Variants in EXOC6 observed in about 807,000 individuals in gnomAD.
EXOC6 encodes the protein exocyst complex component 6, also known as SEC15-like 1.
EXOC6 carries 60 observed loss-of-function variants against 112.5 expected under a neutral mutation model. That is an observed-to-expected ratio of 0.53 (90% CI 0.43 to 0.66). The LOEUF (loss-of-function observed/expected upper bound fraction) is 0.66, where lower values mean the gene tolerates loss of function less well. Ranked by LOEUF, EXOC6 falls within the 30% of genes least tolerant of loss-of-function variation. The probability of loss-of-function intolerance (pLI) is 0.00; values close to 1 mark genes in which losing one functional copy is unlikely to be tolerated. For synonymous variants in EXOC6, 295 were observed against 308.0 expected, an observed-to-expected ratio of 0.96 and a Z score of 0.44; for missense variants, 855 against 957.1, an observed-to-expected ratio of 0.89 and a Z score of 1.41.
chr10:93,020,596 G>A (rs1055202688), intron 20 of EXOC6, among the ~76,000 whole-genome samples: 1 of 152,054 alleles, frequency 6.6e-6, no homozygotes, highest in Non-Finnish European at 1.5e-5. Context: ...CTGCAATGCT[G>A]TCTTCTAAAA....
At chr10:93,056,594 G>C (rs552760427) in intron 20 of EXOC6, among the ~76,000 whole-genome samples, 2 of 151,920 alleles carry the variant, frequency 1.3e-5, no homozygotes, top group South Asian at 4.2e-4. Flanking sequence ...ATTAAATCTG[G>C]GTACTGACTA....
At chr10:92,987,402 T>G (rs907760595) in intron 18 of EXOC6, among the ~76,000 whole-genome samples, 1 of 152,214 alleles carries the variant, frequency 6.6e-6, no homozygotes, top group African/African-American at 2.4e-5. Context: ...GTCTAATTAG[T>G]ATGGATGTAA....
chr10:92,999,223 GTT>G (rs35698961), intron 19 of EXOC6: 1,433 of 344,282 alleles, frequency 4.2e-3, no homozygotes, highest in Admixed American at 6.2e-3. Flanking sequence ...TTTTTTACAA[GTT>G]TTTTTTTTTT....
intron 1 of EXOC6, among the ~76,000 whole-genome samples, chr10:92,850,360 CTCTTT>C (rs754831094): frequency 1.1e-4 from 17 of 152,156 alleles, no homozygotes; most frequent in Non-Finnish European, 2.2e-4. Context: ...TGAACCCACT[CTCTTT>C]TCTTTAGCAA....
Position 92,851,039 on chromosome 10 carries a change from G to A in EXOC6, c.101+2405G>A, listed in dbSNP as rs540294172. 2.8e-3 allele frequency among the ~76,000 whole-genome samples: 426 copies of A among 152,236 alleles called. 2 individuals are homozygous for A. Among genetic ancestry groups the A allele is most frequent in the Non-Finnish European group, 5.2e-3 (354 of 68,008 alleles). On this transcript the variant is annotated intron_variant, in intron 1 of 21. Coordinates refer to ENST00000260762, the MANE Select transcript of EXOC6 (RefSeq NM_019053.6). The stretch of plus-strand genomic sequence containing the variant: ...AACACACAAAAAATAAATCAAAAGA[G>A]AAATTAGAAAGTATTTTAAACTGAG...
At chr10:92,831,736 A>C (rs987845848), upstream of EXOC6, among the ~76,000 whole-genome samples, 4 of 152,118 alleles carry the variant, frequency 2.6e-5, no homozygotes, top group African/African-American at 9.7e-5. Context: ...CGCCCAGCCT[A>C]TTCTATTTAA....
chr10:92,981,297 A>G (rs897600342), intron 18 of EXOC6, among the ~76,000 whole-genome samples: 1 of 152,232 alleles, frequency 6.6e-6, no homozygotes, highest in African/African-American at 2.4e-5. Flanking sequence ...AATGGAACTC[A>G]GTAACGTTTT....
chr10:92,844,026 C>T (rs536368851), upstream of EXOC6, among the ~76,000 whole-genome samples: 1 of 147,670 alleles, frequency 6.8e-6, no homozygotes, highest in South Asian at 2.2e-4. Context: ...TGGCACGTGC[C>T]TGTAGTCCCA....
chr10:93,016,599 A>T (rs944732684), intron 20 of EXOC6, among the ~76,000 whole-genome samples: 1 of 152,250 alleles, frequency 6.6e-6, no homozygotes, highest in Non-Finnish European at 1.5e-5. Flanking sequence ...CTTATTCGAT[A>T]TAAGAAAATC....
chr10:92,991,329 G>T (rs1589989360), intron 18 of EXOC6, among the ~76,000 whole-genome samples: 1 of 151,590 alleles, frequency 6.6e-6, no homozygotes, highest in South Asian at 2.1e-4. Flanking sequence ...ACAGCTACTC[G>T]GGAGGCTGAG....
chr10:92,902,656 A>G (rs1052186685), intron 5 of EXOC6, among the ~76,000 whole-genome samples: 6 of 152,004 alleles, frequency 3.9e-5, no homozygotes, highest in African/African-American at 1.5e-4. Context: ...TAAGATGTTG[A>G]ATGTTATTGC....
chr10:93,021,561 A>G (rs560777800), intron 20 of EXOC6, among the ~76,000 whole-genome samples: 6 of 152,198 alleles, frequency 3.9e-5, no homozygotes, highest in Non-Finnish European at 8.8e-5. Context: ...TTGACAGTAG[A>G]TCCATTTCCT....
chr10:92,934,937 T>A (rs925279571), intron 11 of EXOC6, among the ~76,000 whole-genome samples: 8 of 152,092 alleles, frequency 5.3e-5, no homozygotes, highest in African/African-American at 1.4e-4. Flanking sequence ...GCTATCTTCC[T>A]AATGCCTTTT....
rs573421550 is a variant in EXOC6 at position 93,010,717 on chromosome 10, A to C, written c.2096-3477A>C. Among the ~76,000 whole-genome samples the C allele has an allele frequency of 2.4e-3, 367 of 151,692 alleles. 2 individuals are homozygous for C. Among genetic ancestry groups the C allele is most frequent in the African/African-American group, 8.5e-3 (350 of 41,334 alleles). ...CCATCTCTTAAAAAAAAAAAAAAAA[A>C]AATGGACTCGGCAACTTTTAAACTG... On this transcript the variant is annotated intron_variant, in intron 19 of 21. Coordinates refer to ENST00000260762, the MANE Select transcript of EXOC6 (RefSeq NM_019053.6).
chr10:92,872,935 C>G (rs947179441), intron 1 of EXOC6, among the ~76,000 whole-genome samples: 2 of 152,070 alleles, frequency 1.3e-5, no homozygotes, highest in Admixed American at 1.3e-4. Flanking sequence ...TAAGCTATTA[C>G]GCAAAGTGCA....
chr10:92,976,339 T>C (rs955518897), intron 18 of EXOC6, among the ~76,000 whole-genome samples: 7 of 152,220 alleles, frequency 4.6e-5, no homozygotes, highest in African/African-American at 1.2e-4. Flanking sequence ...AGAAAAATAC[T>C]TATCCTGTTG....
At chr10:92,921,232 C>G (rs925003529) in intron 8 of EXOC6, among the ~76,000 whole-genome samples, 2 of 145,794 alleles carry the variant, frequency 1.4e-5, no homozygotes, top group East Asian at 4.2e-4. Context: ...CATTTCATTT[C>G]CTTTGTCATT....
chr10:93,014,761 G>A lies in EXOC6; in HGVS notation c.2169+494G>A, dbSNP rs1171395554. Among the ~76,000 whole-genome samples, 8 of 152,100 alleles carry A rather than the reference G, an allele frequency of 5.3e-5. No homozygotes were observed. In the South Asian group the frequency reaches 8.3e-4, roughly 16 times the overall value. On this transcript the variant is annotated intron_variant, in intron 20 of 21. Transcript: ENST00000260762. Reference sequence around the variant, plus strand: ...GAAGGATAAAATAAGTTTTAAAAATGTAATGAGACATTTACACAATTCTTT... The same window carrying A: ...GAAGGATAAAATAAGTTTTAAAAATATAATGAGACATTTACACAATTCTTT...
At chr10:93,014,854 C>CT (rs1259765138) in intron 20 of EXOC6, among the ~76,000 whole-genome samples, 2 of 152,194 alleles carry the variant, frequency 1.3e-5, no homozygotes, top group Non-Finnish European at 2.9e-5. Flanking sequence ...TTTTGCTACT[C>CT]TGACATATCT....
Sources: allele counts gnomAD v4.1 joint callset (sites outside exome capture counted in the v4.1 genomes callset), GRCh38; gene constraint gnomAD v4.1.1; transcripts MANE v1.5; gene names NCBI Gene and HGNC (gene_info 2026-07-23, HGNC 2026-07-21).